USP15: variants seen among roughly 807,000 people sequenced by gnomAD.
USP15 encodes the protein ubiquitin carboxyl-terminal hydrolase 15.
Under a neutral mutation model 127.1 loss-of-function variants are expected in USP15, and 18 were observed. The observed-to-expected ratio is 0.14, with a 90% CI of 0.10 to 0.21. The LOEUF (loss-of-function observed/expected upper bound fraction) is 0.21. USP15 is among the 10% of genes least tolerant of loss of function. USP15 has a pLI of 1.00. For synonymous variants in USP15, 364 were observed against 393.7 expected (o/e 0.92, Z 0.89); for missense variants, 805 against 1,159.9 (o/e 0.69, Z 4.44).
intron 9 of USP15, among the ~76,000 whole-genome samples, chr12:62,383,627 AGCTG>A (rs1245689936): frequency 3.3e-5 from 5 of 151,962 alleles, no homozygotes; most frequent in African/African-American, 1.2e-4. Flanking sequence ...GTTCAACCCC[AGCTG>A]GTAACATGCA....
chr12:62,307,430 C>T (rs984186811), intron 3 of USP15, among the ~76,000 whole-genome samples: 1 of 152,016 alleles, frequency 6.6e-6, no homozygotes, highest in Non-Finnish European at 1.5e-5. Context: ...GTCCTATTTC[C>T]CCTCTTACAA....
At position 62,409,050 on chromosome 12, in the gene USP15, TTATC is replaced by T. The variant is rs565980853; in HGVS notation, c.*4676_*4679del. On this transcript the variant is annotated 3_prime_UTR_variant, in exon 22 of 22. Coordinates refer to ENST00000280377, the MANE Select transcript of USP15 (RefSeq NM_001252078.2). ...ATATAGATGGTAAAAATTCAAATAT[TTATC>T]AAGACTTTTTTCTTCACTAATGATG... The T allele has an allele frequency of 1.1e-4, 17 of 151,972 alleles. No individual in the cohort carries two copies. In the South Asian group the frequency reaches 1.9e-3, roughly 17 times the overall value. The allele number at this position is 151,972 out of a possible 1,614,324, so 9.4% of individuals were successfully genotyped here. A position where few individuals can be genotyped will look rare whatever the true frequency, so the allele number is the denominator to read the frequency against.
intron 6 of USP15, among the ~76,000 whole-genome samples, chr12:62,331,831 T>C (rs762736531): frequency 2.0e-5 from 3 of 152,198 alleles, no homozygotes; most frequent in Admixed American, 1.3e-4. Flanking sequence ...ACTCAAAGTC[T>C]GTATTAGAGA....
chr12:62,315,285 T>C (rs1350029692), intron 4 of USP15, among the ~76,000 whole-genome samples: 3 of 152,040 alleles, frequency 2.0e-5, no homozygotes, highest in African/African-American at 7.2e-5. Context: ...GTTTATTCTT[T>C]GGTACTATAA....
In USP15 at chr12:62,406,744, G is replaced by C. The variant is rs2067878570; in HGVS notation, c.*2369G>C. The C allele has an allele frequency of 6.6e-6, 1 of 152,326 alleles. No homozygotes were observed. Among genetic ancestry groups the C allele is most frequent in the African/African-American group, 2.4e-5 (1 of 41,420 alleles). 9.4% of individuals were successfully genotyped at this position (152,326 alleles called of 1,614,324 possible). On this transcript the variant is annotated 3_prime_UTR_variant, in exon 22 of 22. Coordinates refer to ENST00000280377, the MANE Select transcript of USP15 (RefSeq NM_001252078.2). ...GGAGACTCAGGCGGGAGGATCACTT[G>C]AGCCCAGGAGTTTGAGACCAGCCTG...
intron 8 of USP15, among the ~76,000 whole-genome samples, chr12:62,368,794 C>T (rs896393482): frequency 2.6e-5 from 4 of 152,062 alleles, no homozygotes; most frequent in Admixed American, 6.6e-5. Context: ...AGGCATTTAG[C>T]CCATTTACAT....
At position 62,405,441 on chromosome 12, in the gene USP15, T is replaced by C. The variant is rs1458783751; in HGVS notation, c.*1066T>C. The C allele has an allele frequency of 6.6e-6, 1 of 152,602 alleles. No individual in the cohort carries two copies. Among genetic ancestry groups the C allele is most frequent in the African/African-American group, 2.4e-5 (1 of 41,460 alleles). 9.5% of individuals were successfully genotyped at this position (152,602 alleles called of 1,614,324 possible). On this transcript the variant is annotated 3_prime_UTR_variant, in exon 22 of 22. Transcript: ENST00000280377. ...CAGCTTTTCTCAGAAGGTAACTTGT[T>C]ATAAGAGAAATGGCATTTGCATGTT... is the stretch of plus-strand genomic sequence containing the variant.
chr12:62,264,894 A>G (rs1479291723), intron 1 of USP15, among the ~76,000 whole-genome samples: 1 of 152,224 alleles, frequency 6.6e-6, no homozygotes, highest in Non-Finnish European at 1.5e-5. Context: ...AGAGTAGGGT[A>G]TATACTACAT....
rs2064358374 is a variant in USP15, at chr12:62,302,925, A to AT, written c.348+9dup. On this transcript the variant is annotated splice_donor_region_variant and intron_variant, in intron 3 of 21. Coordinates refer to ENST00000280377, the MANE Select transcript of USP15 (RefSeq NM_001252078.2). ...CAAGAGCCAATAGCACGAAAGGTACATTTTAATAATAACTGACTATAAATA... is the reference window on the plus strand; with the variant it reads ...CAAGAGCCAATAGCACGAAAGGTACATTTTTAATAATAACTGACTATAAATA... 6.2e-7 allele frequency: 1 copy of AT among 1,608,350 alleles called. No individual in the cohort carries two copies. Among genetic ancestry groups the AT allele is most frequent in the African/African-American group, 1.3e-5 (1 of 74,862 alleles).
In USP15 at chr12:62,406,907, G is replaced by T. The variant is rs1349082314; in HGVS notation, c.*2532G>T. On this transcript the variant is annotated 3_prime_UTR_variant, in exon 22 of 22. Transcript: ENST00000280377. ...TTGAGCCCAGGCAGTCAAGGCCGCA[G>T]TTAGCCGAAATCACACCCCTGCACT... is the stretch of plus-strand genomic sequence containing the variant. 6.6e-6 allele frequency: 1 copy of T among 151,812 alleles called. No homozygotes were observed. 9.4% of individuals were successfully genotyped at this position (151,812 alleles called of 1,614,324 possible). A position where few individuals can be genotyped will look rare whatever the true frequency, so the allele number is the denominator to read the frequency against.
In USP15 at chr12:62,413,641, A is replaced by G. The variant is rs904671942; in HGVS notation, c.*9266A>G. ...CTGCAGCTTCCTTACCTTAGCCTCCATAGAATTGAAGAGAGAGGGCCTTGC... is the reference window on the plus strand; with the variant it reads ...CTGCAGCTTCCTTACCTTAGCCTCCGTAGAATTGAAGAGAGAGGGCCTTGC... On this transcript the variant is annotated 3_prime_UTR_variant, in exon 22 of 22. Transcript: ENST00000280377. 2 of 152,048 alleles carry G rather than the reference A, an allele frequency of 1.3e-5. No homozygotes were observed. The highest frequency in any genetic ancestry group is 4.8e-5 in the African/African-American group (2 of 41,402). The allele number at this position is 152,048 out of a possible 1,614,324, so 9.4% of individuals were successfully genotyped here.
chr12:62,285,546 T>C (rs758661580), intron 1 of USP15, among the ~76,000 whole-genome samples: 1 of 152,134 alleles, frequency 6.6e-6, no homozygotes, highest in Non-Finnish European at 1.5e-5. Context: ...ACACTTAAAG[T>C]GTTTCCTAAG....
chr12:62,380,224 T>A (rs983111332), intron 8 of USP15, among the ~76,000 whole-genome samples: 4 of 151,678 alleles, frequency 2.6e-5, no homozygotes, highest in Non-Finnish European at 5.9e-5. Context: ...ATAAATAATA[T>A]TATTTTTATT....
intron 8 of USP15, among the ~76,000 whole-genome samples, chr12:62,379,906 CTG>C (rs1177716082): frequency 2.0e-5 from 3 of 152,058 alleles, no homozygotes; most frequent in South Asian, 4.1e-4. Flanking sequence ...AGAAGAGAAA[CTG>C]AAACTCAAAA....
intron 1 of USP15, among the ~76,000 whole-genome samples, chr12:62,287,731 G>T (rs1471875132): frequency 1.3e-5 from 2 of 151,880 alleles, no homozygotes; most frequent in African/African-American, 4.8e-5. Flanking sequence ...GTTAATTTTT[G>T]TTGTTGTTGT....
intron 1 of USP15, among the ~76,000 whole-genome samples, chr12:62,282,367 A>G (rs2137098044): frequency 6.6e-6 from 1 of 152,288 alleles, no homozygotes; most frequent in African/African-American, 2.4e-5. Flanking sequence ...CTTATAAATT[A>G]GCCACAGGAA....
At chr12:62,358,802 T>C (rs2066221324) in intron 8 of USP15, among the ~76,000 whole-genome samples, 1 of 152,176 alleles carries the variant, frequency 6.6e-6, no homozygotes, top group African/African-American at 2.4e-5. Context: ...TTACATTTTA[T>C]TAAGTATTAT....
rs1329808085 is a variant in USP15 at position 62,306,696 on chromosome 12, A to T, written c.348+3776A>T. ...GATTGTTCAATAAAACAGAGCCAATATTTACTAGTTTTGAAGATTCCTAGT... is the reference window on the plus strand; with the variant it reads ...GATTGTTCAATAAAACAGAGCCAATTTTTACTAGTTTTGAAGATTCCTAGT... On this transcript the variant is annotated intron_variant, in intron 3 of 21. Coordinates refer to ENST00000280377, the MANE Select transcript of USP15 (RefSeq NM_001252078.2). Among the ~76,000 whole-genome samples, 5 of 152,274 alleles carry T rather than the reference A, an allele frequency of 3.3e-5. No individual in the cohort carries two copies. In the East Asian group the frequency reaches 9.7e-4, roughly 29 times the overall value.
intron 5 of USP15, among the ~76,000 whole-genome samples, chr12:62,324,606 T>C (rs1276050967): frequency 1.3e-5 from 2 of 151,828 alleles, no homozygotes; most frequent in African/African-American, 4.8e-5. Flanking sequence ...CTCTAGTAGG[T>C]AGGGAGAGGA....
Sources: allele counts gnomAD v4.1 joint callset (sites outside exome capture counted in the v4.1 genomes callset), GRCh38; gene constraint gnomAD v4.1.1; transcripts MANE v1.5; gene names NCBI Gene and HGNC (gene_info 2026-07-23, HGNC 2026-07-21).